Variants in TPD52 observed in about 807,000 individuals in gnomAD.
TPD52 encodes tumor protein D52.
TPD52 carries 17 observed loss-of-function variants against 31.3 expected under a neutral mutation model. The observed-to-expected ratio is 0.54, with a 90% CI of 0.37 to 0.82. The LOEUF is 0.82. Ranked by LOEUF, TPD52 falls within the 40% of genes least tolerant of loss-of-function variation. TPD52 has a pLI of 0.00. For synonymous variants in TPD52, 83 were observed against 89.6 expected (o/e 0.93, Z 0.42); for missense variants, 212 against 240.1 (o/e 0.88, Z 0.77).
chr8:80,082,056 C>A (rs1385914155), intron 1 of TPD52, among the ~76,000 whole-genome samples: 1 of 151,974 alleles, frequency 6.6e-6, no homozygotes, highest in Non-Finnish European at 1.5e-5. Context: ...GATCCGCCTG[C>A]CTCGGCCTCC....
intron 1 of TPD52, among the ~76,000 whole-genome samples, chr8:80,123,791 T>G (rs1026222521): frequency 2.6e-5 from 4 of 152,150 alleles, no homozygotes; most frequent in Non-Finnish European, 4.4e-5. Flanking sequence ...ACCAAGAATG[T>G]AGTCTTGGTT....
At chr8:80,122,289 G>A (rs1808312308) in intron 1 of TPD52, among the ~76,000 whole-genome samples, 1 of 152,188 alleles carries the variant, frequency 6.6e-6, no homozygotes, top group African/African-American at 2.4e-5. Context: ...TAAAAGCAGA[G>A]AGCAGAAGCA....
At position 80,154,020 on chromosome 8, in the gene TPD52, T is replaced by C. The variant is rs192582524; in HGVS notation, c.19+17405A>G. Among the ~76,000 whole-genome samples the C allele has an allele frequency of 3.9e-5, 6 of 152,340 alleles. No individual in the cohort carries two copies. In the East Asian group the frequency reaches 1.2e-3, roughly 29 times the overall value. On this transcript the variant is annotated intron_variant, in intron 1 of 7. Transcript: ENST00000518937. ...TCCCTATGCGCCCTTTCACTCACCT[T>C]TTCCAACCTCTACAAAAAGGATGAG... is the stretch of plus-strand genomic sequence containing the variant.
chr8:80,144,376 T>C (rs1810047585), intron 1 of TPD52, among the ~76,000 whole-genome samples: 1 of 152,178 alleles, frequency 6.6e-6, no homozygotes, highest in Non-Finnish European at 1.5e-5. Context: ...TATTAGAATA[T>C]GGGACAGCCC....
intron 1 of TPD52, among the ~76,000 whole-genome samples, chr8:80,133,751 A>G (rs552551845): frequency 4.7e-5 from 7 of 150,476 alleles, no homozygotes; most frequent in Non-Finnish European, 8.9e-5. Context: ...CAGGAACTTG[A>G]TGGTACCGCT....
intron 1 of TPD52, among the ~76,000 whole-genome samples, chr8:80,132,428 A>G (rs6473204): frequency 0.17 from 25,242 of 151,986 alleles, 3,407 homozygotes; most frequent in African/African-American, 0.37. Flanking sequence ...GGCTGGTCTC[A>G]AACTCTTGCA....
At chr8:80,041,678 C>CT (rs1417257286) in intron 7 of TPD52, among the ~76,000 whole-genome samples, 4 of 151,966 alleles carry the variant, frequency 2.6e-5, no homozygotes, top group Non-Finnish European at 5.9e-5. Context: ...AAATGTTCAC[C>CT]TCCACTAAAA....
intron 1 of TPD52, among the ~76,000 whole-genome samples, chr8:80,144,774 G>A (rs1317560532): frequency 6.6e-6 from 1 of 152,000 alleles, no homozygotes; most frequent in Non-Finnish European, 1.5e-5. Context: ...ATGGCTTTTT[G>A]TGTGCATTTT....
chr8:80,037,504 T>C lies in TPD52; in HGVS notation c.*612A>G, dbSNP rs973571733. The stretch of plus-strand genomic sequence containing the variant: ...AGTCACCTAGAAGTTTGATTACATA[T>C]TGTTACTTACAAAACTATAATAAAT... On this transcript the variant is annotated 3_prime_UTR_variant, in exon 8 of 8. Transcript: ENST00000518937. 3 of 152,244 alleles carry C rather than the reference T, an allele frequency of 2.0e-5. No homozygotes were observed. Among genetic ancestry groups the C allele is most frequent in the African/African-American group, 7.2e-5 (3 of 41,464 alleles). The allele number at this position is 152,244 out of a possible 1,614,324, so 9.4% of individuals were successfully genotyped here. A position where few individuals can be genotyped will look rare whatever the true frequency, so the allele number is the denominator to read the frequency against.
chr8:80,040,776 C>G (rs1196690690), intron 7 of TPD52, among the ~76,000 whole-genome samples: 1 of 152,160 alleles, frequency 6.6e-6, no homozygotes, highest in Non-Finnish European at 1.5e-5. Flanking sequence ...CCTGCAACTA[C>G]AGTTTGCTTT....
At chr8:80,109,791 G>A (rs933971898) in intron 1 of TPD52, among the ~76,000 whole-genome samples, 9 of 152,206 alleles carry the variant, frequency 5.9e-5, no homozygotes, top group African/African-American at 2.2e-4. Context: ...TTATTAGACT[G>A]CAGCCCTATT....
intron 1 of TPD52, among the ~76,000 whole-genome samples, chr8:80,153,963 A>C (rs1367621277): frequency 6.6e-6 from 1 of 152,208 alleles, no homozygotes; most frequent in East Asian, 1.9e-4. Flanking sequence ...CAAACTCTTC[A>C]ACAGCAGAAA....
At chr8:80,134,443 A>C (rs1194873414) in intron 1 of TPD52, among the ~76,000 whole-genome samples, 1 of 152,236 alleles carries the variant, frequency 6.6e-6, no homozygotes, top group Non-Finnish European at 1.5e-5. Context: ...TGAACTAGGC[A>C]TGACATTAAT....
At chr8:80,033,861 C>T (rs1001981095), downstream of TPD52, among the ~76,000 whole-genome samples, 3 of 152,070 alleles carry the variant, frequency 2.0e-5, no homozygotes, top group Admixed American at 2.0e-4. Flanking sequence ...AAACACCATC[C>T]GATTAGCCGA....
At chr8:80,154,739 ACACAC>A (rs1810823657) in intron 1 of TPD52, among the ~76,000 whole-genome samples, 63 of 137,716 alleles carry the variant, frequency 4.6e-4, no homozygotes, top group Admixed American at 1.6e-3. Context: ...ACACACACAC[ACACAC>A]ACACACACAA....
At chr8:80,065,610 T>C (rs934029904) in intron 1 of TPD52, among the ~76,000 whole-genome samples, 1 of 152,098 alleles carries the variant, frequency 6.6e-6, no homozygotes, top group African/African-American at 2.4e-5. Flanking sequence ...AATATCTTAA[T>C]GCAGTATTTT....
chr8:80,157,271 TAAA>T (rs34910647), intron 1 of TPD52, among the ~76,000 whole-genome samples: 7,731 of 145,070 alleles, frequency 0.053, 637 homozygotes, highest in African/African-American at 0.18. Flanking sequence ...TCTTGAAGGC[TAAA>T]AAAAAAAAAG....
chr8:80,107,260 C>A (rs2130960747), intron 1 of TPD52, among the ~76,000 whole-genome samples: 1 of 152,280 alleles, frequency 6.6e-6, no homozygotes, highest in South Asian at 2.1e-4. Flanking sequence ...CCACTTGGAC[C>A]TTTTGTTTTT....
At chr8:80,136,915 A>G (rs1419246446) in intron 1 of TPD52, among the ~76,000 whole-genome samples, 1 of 152,214 alleles carries the variant, frequency 6.6e-6, no homozygotes, top group Non-Finnish European at 1.5e-5. Flanking sequence ...AGGCCCCAAA[A>G]TTCTTCTCCT....
Sources: allele counts gnomAD v4.1 joint callset (sites outside exome capture counted in the v4.1 genomes callset), GRCh38; gene constraint gnomAD v4.1.1; transcripts MANE v1.5; gene names NCBI Gene and HGNC (gene_info 2026-07-23, HGNC 2026-07-21).